The following KDM4C variants were observed in gnomAD, a reference collection of about 807,000 sequenced individuals.
KDM4C encodes lysine-specific demethylase 4C.
Under a neutral mutation model 129.3 loss-of-function variants are expected in KDM4C, and 81 were observed. That is an observed-to-expected ratio of 0.63 (90% confidence interval 0.52 to 0.75). The LOEUF (loss-of-function observed/expected upper bound fraction) is 0.75. KDM4C is among the 30% of genes least tolerant of loss of function. KDM4C has a pLI of 0.00. For synonymous variants in KDM4C, 573 were observed against 456.1 expected (o/e 1.26, Z -3.26); for missense variants, 1,457 against 1,304.0 (o/e 1.12, Z -1.81).
chr9:6,730,279 G>A (rs1372976524), intron 1 of KDM4C, among the ~76,000 whole-genome samples: 3 of 152,052 alleles, frequency 2.0e-5, no homozygotes, highest in Non-Finnish European at 4.4e-5. Flanking sequence ...TTATAGTATG[G>A]GCTTGTTAAT....
chr9:7,035,725 C>G (rs1251241995), intron 15 of KDM4C, among the ~76,000 whole-genome samples: 3 of 152,104 alleles, frequency 2.0e-5, no homozygotes, highest in African/African-American at 7.2e-5. Context: ...TTTTCCGGCA[C>G]TGTTCATTGA....
At chr9:7,005,485 C>T (rs909661415) in intron 12 of KDM4C, among the ~76,000 whole-genome samples, 3 of 147,704 alleles carry the variant, frequency 2.0e-5, no homozygotes, top group East Asian at 2.0e-4. Context: ...GTTAGATAAA[C>T]GCCCCACATT....
At chr9:6,928,884 C>T (rs1160380895) in intron 8 of KDM4C, among the ~76,000 whole-genome samples, 1 of 152,156 alleles carries the variant, frequency 6.6e-6, no homozygotes, top group Non-Finnish European at 1.5e-5. Flanking sequence ...TCCCAGCTGC[C>T]GGCTGCATGT....
intron 17 of KDM4C, among the ~76,000 whole-genome samples, chr9:7,054,910 A>T (rs746411265): frequency 1.3e-5 from 2 of 152,232 alleles, no homozygotes; most frequent in African/African-American, 4.8e-5. Context: ...TAAATATTAA[A>T]TCACATCTTT....
At chr9:7,036,307 A>T (rs76055221) in intron 15 of KDM4C, among the ~76,000 whole-genome samples, 1 of 152,194 alleles carries the variant, frequency 6.6e-6, no homozygotes, top group Non-Finnish European at 1.5e-5. Flanking sequence ...TTTTATTTGA[A>T]AACCAAATGT....
intron 8 of KDM4C, chr9:6,925,663 C>G (rs11792447): frequency 1.0e-6 from 1 of 984,068 alleles, no homozygotes; most frequent in Non-Finnish European, 1.2e-6. Context: ...AGATGCTGTT[C>G]GGAGAACTGT....
At chr9:6,731,403 C>T (rs2996065) in intron 1 of KDM4C, among the ~76,000 whole-genome samples, 29,534 of 148,872 alleles carry the variant, frequency 0.2, 3,159 homozygotes, top group Non-Finnish European at 0.25. Context: ...CTCAGCTCAC[C>T]GCAACCTCCA....
At chr9:6,745,452 G>A (rs1817842044) in intron 1 of KDM4C, among the ~76,000 whole-genome samples, 2 of 151,482 alleles carry the variant, frequency 1.3e-5, no homozygotes, top group African/African-American at 2.4e-5. Flanking sequence ...TAAAAAATTC[G>A]CTGGTGTGCT....
At chr9:6,902,224 A>C (rs1290738513) in intron 8 of KDM4C, among the ~76,000 whole-genome samples, 6 of 152,234 alleles carry the variant, frequency 3.9e-5, no homozygotes, top group African/African-American at 1.2e-4. Flanking sequence ...AAGAATTAAT[A>C]GGTGTTGTGA....
chr9:6,965,726 G>C lies in KDM4C; in HGVS notation c.922-15199G>C, dbSNP rs1405205217. 2.0e-5 allele frequency among the ~76,000 whole-genome samples: 3 copies of C among 152,144 alleles called. No homozygotes were observed. In the East Asian group the frequency reaches 5.8e-4, roughly 29 times the overall value. ...CAGGTCCTACTCCAGGGAGAGGCAG[G>C]GTCTCATTCCAAGGCCCTTTCAGCT... On this transcript the variant is annotated intron_variant, in intron 8 of 21. Transcript: ENST00000381309.
chr9:7,036,524 G>A (rs1251267732), intron 15 of KDM4C, among the ~76,000 whole-genome samples: 1 of 152,070 alleles, frequency 6.6e-6, no homozygotes, highest in Non-Finnish European at 1.5e-5. Flanking sequence ...TCATAGCATT[G>A]TAAACAAACA....
chr9:7,025,016 T>A (rs1564002786), intron 15 of KDM4C, among the ~76,000 whole-genome samples: 1 of 152,178 alleles, frequency 6.6e-6, no homozygotes. Flanking sequence ...ACTTTTAATG[T>A]TTTCTTCATA....
At chr9:6,746,669 C>T (rs1462181247) in intron 1 of KDM4C, among the ~76,000 whole-genome samples, 1 of 147,322 alleles carries the variant, frequency 6.8e-6, no homozygotes, top group Non-Finnish European at 1.5e-5. Flanking sequence ...CGCTTGAGCC[C>T]AGGAATTCCA....
chr9:6,739,590 A>T lies in KDM4C; in HGVS notation c.49+18593A>T, dbSNP rs138228011. The stretch of plus-strand genomic sequence containing the variant: ...CATTTGGTTTTACTCACAGTTTTAG[A>T]TAGCTAGATAGATAGATATGAGTAT... On this transcript the variant is annotated intron_variant, in intron 1 of 17. Coordinates refer to the KDM4C transcript ENST00000536108. Among the ~76,000 whole-genome samples the T allele has an allele frequency of 1.8e-3, 268 of 151,956 alleles. 2 individuals are homozygous for T. Among genetic ancestry groups the T allele is most frequent in the African/African-American group, 6.2e-3 (257 of 41,492 alleles).
chr9:6,801,673 A>G (rs1829012886), intron 2 of KDM4C, among the ~76,000 whole-genome samples: 1 of 151,964 alleles, frequency 6.6e-6, no homozygotes, highest in African/African-American at 2.4e-5. Context: ...ATATGCCTCC[A>G]TATACACATA....
At chr9:6,972,435 T>C (rs1832159967) in intron 8 of KDM4C, among the ~76,000 whole-genome samples, 1 of 152,112 alleles carries the variant, frequency 6.6e-6, no homozygotes, top group East Asian at 1.9e-4. Context: ...TTAGAAAATT[T>C]TTTTCTAATT....
chr9:6,947,881 C>G (rs1009656119), intron 8 of KDM4C, among the ~76,000 whole-genome samples: 1 of 151,892 alleles, frequency 6.6e-6, no homozygotes, highest in Admixed American at 6.6e-5. Context: ...AACTGAGAAC[C>G]ATTGCTGTAC....
intron 5 of KDM4C, among the ~76,000 whole-genome samples, chr9:6,869,353 C>T (rs941847637): frequency 1.3e-5 from 2 of 152,202 alleles, no homozygotes; most frequent in South Asian, 2.1e-4. Context: ...TCAGGCACCT[C>T]ATTCTCCAGG....
At chr9:6,809,092 ACT>A (rs1830681195) in intron 3 of KDM4C, among the ~76,000 whole-genome samples, 1 of 151,996 alleles carries the variant, frequency 6.6e-6, no homozygotes, top group Non-Finnish European at 1.5e-5. Flanking sequence ...CTACTTGAAG[ACT>A]CTTATTTCTG....
Sources: allele counts gnomAD v4.1 joint callset (sites outside exome capture counted in the v4.1 genomes callset), GRCh38; gene constraint gnomAD v4.1.1; transcripts MANE v1.5; gene names NCBI Gene and HGNC (gene_info 2026-07-23, HGNC 2026-07-21).